The following LHFPL2 variants were observed in gnomAD, a reference collection of about 807,000 sequenced individuals.
LHFPL2 encodes the protein LHFPL tetraspan subfamily member 2.
Under a neutral mutation model 17.5 loss-of-function variants are expected in LHFPL2, and 7 were observed. The ratio of observed to expected loss-of-function variants is 0.40; its 90% CI spans 0.23 to 0.75. The LOEUF is 0.75. Among genes scored for constraint, LHFPL2 ranks in the 30% least tolerant of loss-of-function variants. The pLI is 0.37. For synonymous variants in LHFPL2, 134 were observed against 116.2 expected (o/e 1.15, Z -0.99); for missense variants, 241 against 294.8 (o/e 0.82, Z 1.34).
intron 2 of LHFPL2, among the ~76,000 whole-genome samples, chr5:78,627,714 A>T (rs1385832698): frequency 6.6e-6 from 1 of 152,170 alleles, no homozygotes; most frequent in African/African-American, 2.4e-5. Context: ...CTCGATAGCT[A>T]CTTCCACTCT....
At chr5:78,498,685 G>C (rs1353744441) in intron 4 of LHFPL2, among the ~76,000 whole-genome samples, 1 of 151,998 alleles carries the variant, frequency 6.6e-6, no homozygotes, top group Non-Finnish European at 1.5e-5. Context: ...CCATGTGCAG[G>C]GACTCTGGAG....
At chr5:78,534,605 G>A (rs777609510) in intron 3 of LHFPL2, among the ~76,000 whole-genome samples, 40 of 152,218 alleles carry the variant, frequency 2.6e-4, no homozygotes, top group Non-Finnish European at 4.8e-4. Flanking sequence ...AACTCCAGAC[G>A]TAGGGCCCAT....
intron 2 of LHFPL2, among the ~76,000 whole-genome samples, chr5:78,621,473 GCT>G (rs1202500583): frequency 6.6e-6 from 1 of 151,942 alleles, no homozygotes; most frequent in Non-Finnish European, 1.5e-5. Flanking sequence ...CACACACCCT[GCT>G]CTGTTTGTGG....
intron 4 of LHFPL2, among the ~76,000 whole-genome samples, chr5:78,499,914 G>T (rs1007496441): frequency 6.6e-6 from 1 of 151,882 alleles, no homozygotes; most frequent in Admixed American, 6.6e-5. Flanking sequence ...GAAGCCTAAT[G>T]AACAGGTCAG....
intron 4 of LHFPL2, among the ~76,000 whole-genome samples, chr5:78,504,564 A>G (rs1754875584): frequency 6.6e-6 from 1 of 152,206 alleles, no homozygotes; most frequent in Non-Finnish European, 1.5e-5. Context: ...CTGGAGAGTG[A>G]TCAGCTGCAT....
At chr5:78,633,347 C>A (rs931277314) in intron 1 of LHFPL2, among the ~76,000 whole-genome samples, 4 of 152,246 alleles carry the variant, frequency 2.6e-5, no homozygotes, top group Admixed American at 2.6e-4. Context: ...AGTGCCACTG[C>A]CTCAGGGGCA....
At chr5:78,584,112 G>A (rs1490359938) in intron 2 of LHFPL2, among the ~76,000 whole-genome samples, 5 of 150,022 alleles carry the variant, frequency 3.3e-5, no homozygotes, top group Admixed American at 2.7e-4. Flanking sequence ...CGTAGTTCTC[G>A]AGCCTTGGTT....
chr5:78,591,346 C>T (rs573886641), intron 2 of LHFPL2, among the ~76,000 whole-genome samples: 2 of 152,164 alleles, frequency 1.3e-5, no homozygotes, highest in East Asian at 1.9e-4. Context: ...CTTTTGAAAC[C>T]GTTTAGTTTC....
chr5:78,637,195 C>G (rs1745479745), intron 1 of LHFPL2, among the ~76,000 whole-genome samples: 1 of 152,142 alleles, frequency 6.6e-6, no homozygotes, highest in Admixed American at 6.5e-5. Context: ...AGCAGAGTGT[C>G]AGGCAAGTTT....
chr5:78,536,336 G>C (rs568130901), intron 3 of LHFPL2, among the ~76,000 whole-genome samples: 1 of 152,300 alleles, frequency 6.6e-6, no homozygotes, highest in African/African-American at 2.4e-5. Flanking sequence ...AGCCCTCCAA[G>C]AAAATAGGCG....
At chr5:78,628,388 T>G (rs1416205056) in intron 2 of LHFPL2, among the ~76,000 whole-genome samples, 3 of 152,230 alleles carry the variant, frequency 2.0e-5, no homozygotes, top group Non-Finnish European at 4.4e-5. Flanking sequence ...ATTGCTGGCT[T>G]CTTCCTCCTG....
At chr5:78,552,997 G>A (rs1756487419) in intron 3 of LHFPL2, among the ~76,000 whole-genome samples, 2 of 152,172 alleles carry the variant, frequency 1.3e-5, no homozygotes, top group Non-Finnish European at 2.9e-5. Context: ...TTCCTACGAT[G>A]GCAGGATGTT....
chr5:78,639,901 C>A (rs1421632233), intron 1 of LHFPL2, among the ~76,000 whole-genome samples: 2 of 152,212 alleles, frequency 1.3e-5, no homozygotes, highest in Non-Finnish European at 2.9e-5. Flanking sequence ...TTGAATGAGG[C>A]TCCTGTGAAT....
chr5:78,640,728 A>T (rs1745633897), intron 1 of LHFPL2, among the ~76,000 whole-genome samples: 1 of 152,226 alleles, frequency 6.6e-6, no homozygotes, highest in African/African-American at 2.4e-5. Context: ...CTGTCCTTCC[A>T]ACCCTGTTAA....
chr5:78,519,553 T>C (rs1247847506), intron 3 of LHFPL2, among the ~76,000 whole-genome samples: 2 of 152,224 alleles, frequency 1.3e-5, no homozygotes, highest in South Asian at 2.1e-4. Context: ...ACACTTAATC[T>C]GAACCCTGGT....
At chr5:78,509,570 C>A (rs1192844388) in intron 4 of LHFPL2, among the ~76,000 whole-genome samples, 2 of 152,214 alleles carry the variant, frequency 1.3e-5, no homozygotes, top group African/African-American at 4.8e-5. Context: ...GACCAGAGAA[C>A]AAGCCTGTCT....
intron 2 of LHFPL2, among the ~76,000 whole-genome samples, chr5:78,630,457 C>T (rs1043275740): frequency 3.3e-5 from 5 of 152,130 alleles, no homozygotes; most frequent in African/African-American, 1.2e-4. Context: ...GTATGATAGA[C>T]GAACTGATTC....
chr5:78,627,474 ACTT>A lies in LHFPL2; in HGVS notation c.-245+4787_-245+4789del, dbSNP rs537318998. On this transcript the variant is annotated intron_variant, in intron 2 of 4. Coordinates refer to ENST00000380345, the MANE Select transcript of LHFPL2 (RefSeq NM_005779.3). ...GTACAAAGAACTGTTTCTCACCACT[ACTT>A]CTCTCTCCTTTCTCTTAAAGAAACC... 7.0e-4 allele frequency among the ~76,000 whole-genome samples: 107 copies of A among 152,068 alleles called. 1 individual carries two copies. Among genetic ancestry groups the A allele is most frequent in the African/African-American group, 2.5e-3 (103 of 41,480 alleles).
chr5:78,545,396 GAGTT>G (rs1208849796), intron 3 of LHFPL2, among the ~76,000 whole-genome samples: 1 of 152,216 alleles, frequency 6.6e-6, no homozygotes, highest in African/African-American at 2.4e-5. Flanking sequence ...TTCAGGAAGA[GAGTT>G]AGGCACTTGG....
Sources: allele counts gnomAD v4.1 joint callset (sites outside exome capture counted in the v4.1 genomes callset), GRCh38; gene constraint gnomAD v4.1.1; transcripts MANE v1.5; gene names NCBI Gene and HGNC (gene_info 2026-07-23, HGNC 2026-07-21).